ENOSF1: variants seen among roughly 807,000 people sequenced by gnomAD.
The protein encoded by ENOSF1 is mitochondrial enolase superfamily member 1.
In ENOSF1, 73 loss-of-function variants were observed where a neutral mutation model predicts 68.2. That is an observed-to-expected ratio of 1.07 (90% CI 0.89 to 1.30). ENOSF1 has a LOEUF of 1.30. Among genes scored for constraint, ENOSF1 ranks in the 50% most tolerant of loss-of-function variants. The pLI is 0.00. For missense variants in ENOSF1, 589 were observed against 554.5 expected (o/e 1.06, Z -0.62); for synonymous variants, 223 against 210.4 (o/e 1.06, Z -0.52).
intron 5 of ENOSF1, 135 bp downstream of exon 5, chr18:693,747 T>C: frequency 6.8e-7 from 1 of 1,465,724 alleles, no homozygotes; most frequent in Non-Finnish European, 9.0e-7. Flanking sequence ...TCATATTTTA[T>C]TGGCTTTTTG....
chr18:681,547 C>CG (rs1251162252), intron 11 of ENOSF1, among the ~76,000 whole-genome samples: 1 of 152,130 alleles, frequency 6.6e-6, no homozygotes, highest in Non-Finnish European at 1.5e-5. Flanking sequence ...CTTGTTTCCC[C>CG]GGGGCTCCTC....
In ENOSF1 at chr18:672,937, A is replaced by G; in HGVS notation, c.*1368T>C. The G allele has an allele frequency of 6.3e-7, 1 of 1,597,268 alleles. No individual in the cohort carries two copies. The highest frequency in any genetic ancestry group is 8.6e-7 in the Non-Finnish European group (1 of 1,166,948). ...AGAAAATTGATGACTTCAAAGCTGA[A>G]GACTTTCAGATTGAAGGGTACAATC... On this transcript the variant is annotated 3_prime_UTR_variant, in exon 16 of 16. Coordinates refer to ENST00000647584, the MANE Select transcript of ENOSF1 (RefSeq NM_017512.7).
the ENOSF1 span, among the ~76,000 whole-genome samples, chr18:665,236 T>A: frequency 9.9e-4 from 149 of 151,102 alleles, no homozygotes; most frequent in Middle Eastern, 0.01. Context: ...TTCTTCCTGG[T>A]TTAGTCTTGG....
Position 691,285 on chromosome 18 carries a change from G to A in ENOSF1, c.424-9C>T, listed in dbSNP as rs147762415. ...ACCAGCATCCTGGGATCCTGGCAACGTGACAGGAGGGGAAGAGGCCTGAAT... is the reference window on the plus strand; with the variant it reads ...ACCAGCATCCTGGGATCCTGGCAACATGACAGGAGGGGAAGAGGCCTGAAT... On this transcript the variant is annotated splice_polypyrimidine_tract_variant and intron_variant, in intron 5 of 15. Coordinates refer to ENST00000647584, the MANE Select transcript of ENOSF1 (RefSeq NM_017512.7). The A allele has an allele frequency of 1.7e-4, 266 of 1,609,854 alleles. No individual in the cohort carries two copies. The highest frequency in any genetic ancestry group is 1.1e-3 in the African/African-American group (81 of 74,974).
chr18:686,286 T>G (rs139964566), intron 9 of ENOSF1: 25 of 373,212 alleles, frequency 6.7e-5, no homozygotes, highest in Non-Finnish European at 1.0e-4. Flanking sequence ...ACTCCGTTTT[T>G]GCCGGGCCAT....
the ENOSF1 span, among the ~76,000 whole-genome samples, chr18:662,994 T>G: frequency 1.4e-5 from 2 of 144,888 alleles, no homozygotes; most frequent in African/African-American, 2.7e-5. Context: ...TGTGTCTTTA[T>G]AGCAGCATGA....
chr18:672,867 G>A lies in ENOSF1; in HGVS notation c.*1438C>T, dbSNP rs1024764626. The A allele has an allele frequency of 1.9e-6, 3 of 1,565,116 alleles. No homozygotes were observed. The highest frequency in any genetic ancestry group is 1.7e-6 in the Non-Finnish European group (2 of 1,144,014). ...GCCTTATTTTGTTTTTAGCTTCAGC[G>A]AGAACCCAGACCTTTCCCAAAGCTC... On this transcript the variant is annotated 3_prime_UTR_variant, in exon 16 of 16. Coordinates refer to ENST00000647584, the MANE Select transcript of ENOSF1 (RefSeq NM_017512.7).
At chr18:697,918 C>T (rs368255942) in intron 2 of ENOSF1, among the ~76,000 whole-genome samples, 1 of 152,098 alleles carries the variant, frequency 6.6e-6, no homozygotes, top group African/African-American at 2.4e-5. Context: ...CTCAGCTTCT[C>T]GAGAAGCTAG....
At chr18:690,419 C>T (rs777860381) in intron 8 of ENOSF1, 130 bp downstream of exon 8, 11 of 978,516 alleles carry the variant, frequency 1.1e-5, no homozygotes, top group Non-Finnish European at 1.6e-5. Context: ...AACTGGTTGG[C>T]GTGAGAAGGA....
downstream of ENOSF1, among the ~76,000 whole-genome samples, chr18:666,929 ATGGT>A (rs1567989488): frequency 1.5e-3 from 87 of 59,804 alleles, 9 homozygotes; most frequent in East Asian, 3.8e-3. Flanking sequence ...GGAGATGGTG[ATGGT>A]GATGGAGATG....
chr18:693,048 ACATGCTCAAGGT>A (rs1374554119), intron 5 of ENOSF1: 1 of 1,276,212 alleles, frequency 7.8e-7, no homozygotes, highest in Admixed American at 2.3e-5. Context: ...TGGGGAAGTC[ACATGCTCAAGGT>A]CATGCAGCTG....
intron 12 of ENOSF1, 24 bp downstream of exon 12, chr18:678,672 C>A: frequency 6.2e-7 from 1 of 1,613,188 alleles, no homozygotes; most frequent in Non-Finnish European, 8.5e-7. Context: ...GGGACGTCAT[C>A]CACCTGTTGG....
rs2075871481 is a variant in ENOSF1 at position 679,550 on chromosome 18, G to GA, written c.877-814dup. Among the ~76,000 whole-genome samples the GA allele has an allele frequency of 2.7e-5, 3 of 112,598 alleles. 1 individual carries two copies. The South Asian group carries it at 8.4e-4, about 31-fold the overall frequency. The allele number at this position is 112,598 out of a possible 152,430, so 73.9% of individuals were successfully genotyped here. On this transcript the variant is annotated intron_variant, in intron 11 of 15. Coordinates refer to ENST00000647584, the MANE Select transcript of ENOSF1 (RefSeq NM_017512.7). ...TCCAAAATCCTCTTCCTTAAGGCAG[G>GA]AAAAATCCATGAAAAAAAAAAAAAT...
At chr18:666,333 C>A (rs2074815349), downstream of ENOSF1, among the ~76,000 whole-genome samples, 2 of 151,988 alleles carry the variant, frequency 1.3e-5, no homozygotes, top group African/African-American at 4.8e-5. Flanking sequence ...GAGGCTGAGC[C>A]ACAGCGTGCT....
intron 7 of ENOSF1, 134 bp downstream of exon 7, chr18:690,934 T>A (rs767792427): frequency 1.6e-6 from 2 of 1,213,680 alleles, no homozygotes; most frequent in Non-Finnish European, 2.3e-6. Context: ...CCATGCAGAC[T>A]TGAATGTTGA....
downstream of ENOSF1, among the ~76,000 whole-genome samples, chr18:665,356 G>C (rs1377284908): frequency 6.6e-6 from 1 of 150,988 alleles, no homozygotes; most frequent in Admixed American, 6.6e-5. Flanking sequence ...TGTGGGATTG[G>C]TGGTGATATC....
chr18:664,192 T>C, the ENOSF1 span, among the ~76,000 whole-genome samples: 1 of 152,162 alleles, frequency 6.6e-6, no homozygotes, highest in South Asian at 2.1e-4. Context: ...TTTTATTTCA[T>C]TGAGCAGTGG....
chr18:664,427 TG>T, the ENOSF1 span, among the ~76,000 whole-genome samples: 3 of 145,670 alleles, frequency 2.1e-5, no homozygotes, highest in Admixed American at 2.0e-4. Context: ...GCTGAGACAA[TG>T]GGGTTTTCTA....
intron 1 of ENOSF1, among the ~76,000 whole-genome samples, chr18:707,274 T>C (rs1043378011): frequency 2.0e-5 from 3 of 152,050 alleles, no homozygotes; most frequent in Admixed American, 6.5e-5. Flanking sequence ...ATCCACCCGC[T>C]TGGGCCTCTT....
Sources: allele counts gnomAD v4.1 joint callset (sites outside exome capture counted in the v4.1 genomes callset), GRCh38; gene constraint gnomAD v4.1.1; transcripts MANE v1.5; gene names NCBI Gene and HGNC (gene_info 2026-07-23, HGNC 2026-07-21).